The following CAMTA1 variants were observed in gnomAD, a reference collection of about 807,000 sequenced individuals.
CAMTA1 encodes the protein calmodulin-binding transcription activator 1.
CAMTA1 carries 27 observed loss-of-function variants against 170.9 expected under a neutral mutation model. The ratio of observed to expected loss-of-function variants is 0.16; its 90% CI spans 0.12 to 0.22. CAMTA1 has a LOEUF of 0.22. Ranked by LOEUF, CAMTA1 falls within the 10% of genes least tolerant of loss-of-function variation. CAMTA1 has a pLI of 1.00. For synonymous variants in CAMTA1, 833 were observed against 891.5 expected, an observed-to-expected ratio of 0.93 and a Z score of 1.17; for missense variants, 1,619 against 2,217.2, an observed-to-expected ratio of 0.73 and a Z score of 5.42.
In CAMTA1 at chr1:7,674,088, C is replaced by T. The variant is rs144784562; in HGVS notation, c.2779+3051C>T. On this transcript the variant is annotated intron_variant, in intron 10 of 22. Transcript: ENST00000303635. The surrounding 1 kb of genome is among the most constrained non-coding windows in gnomAD (Gnocchi z 4.1). The stretch of plus-strand genomic sequence containing the variant: ...AAACTGGCCTCACCAAAAAGAGAGG[C>T]TCAGAGGCTTATGAGCACAAGCCAG... 9.8e-5 allele frequency among the ~76,000 whole-genome samples: 15 copies of T among 152,310 alleles called. No homozygotes were observed. In the East Asian group the frequency reaches 2.3e-3, roughly 24 times the overall value.
At chr1:7,257,390 T>C (rs910591953) in intron 5 of CAMTA1, among the ~76,000 whole-genome samples, 2 of 152,238 alleles carry the variant, frequency 1.3e-5, no homozygotes, top group African/African-American at 4.8e-5. Flanking sequence ...CCAAACACAC[T>C]GCATAACTGG....
chr1:7,702,548 C>T (rs1200957925), intron 11 of CAMTA1, among the ~76,000 whole-genome samples: 3 of 152,132 alleles, frequency 2.0e-5, no homozygotes, highest in African/African-American at 7.2e-5. Context: ...CCATTCAGAG[C>T]AATTCAACAA....
intron 4 of CAMTA1, among the ~76,000 whole-genome samples, chr1:7,104,599 G>A (rs1643395709): frequency 6.6e-6 from 1 of 152,156 alleles, no homozygotes; most frequent in Admixed American, 6.5e-5. Flanking sequence ...GCTCAGATTT[G>A]GCTGATGTCA....
At position 7,577,137 on chromosome 1, in the gene CAMTA1, A is replaced by G. The variant is rs550412948; in HGVS notation, c.511-63263A>G. Among the ~76,000 whole-genome samples, 7 of 152,294 alleles carry G rather than the reference A, an allele frequency of 4.6e-5. No individual in the cohort carries two copies. The South Asian group carries it at 1.5e-3, about 32-fold the overall frequency. On this transcript the variant is annotated intron_variant, in intron 6 of 22. Coordinates refer to ENST00000303635, the MANE Select transcript of CAMTA1 (RefSeq NM_015215.4). Reference sequence around the variant, plus strand: ...TGGTGTGAGGGATCAACAAGCCAGCATCGTCCTCCCCCGGAGGCCCAGTGT... The same window carrying G: ...TGGTGTGAGGGATCAACAAGCCAGCGTCGTCCTCCCCCGGAGGCCCAGTGT...
chr1:7,610,836 G>A (rs1176173544), intron 6 of CAMTA1, among the ~76,000 whole-genome samples: 1 of 152,226 alleles, frequency 6.6e-6, no homozygotes, highest in Non-Finnish European at 1.5e-5. Flanking sequence ...GCACAGAGTG[G>A]AGGTCAAATA....
chr1:6,816,337 A>C (rs1645807751), intron 1 of CAMTA1, among the ~76,000 whole-genome samples: 1 of 152,160 alleles, frequency 6.6e-6, no homozygotes, highest in Admixed American at 6.5e-5. Context: ...CCCCCACTAG[A>C]ATGTATCTCC....
At chr1:7,257,082 C>CGGG (rs553425649) in intron 5 of CAMTA1, among the ~76,000 whole-genome samples, 2 of 137,388 alleles carry the variant, frequency 1.5e-5, no homozygotes, top group Non-Finnish European at 3.0e-5. Flanking sequence ...ATGGCGGGGG[C>CGGG]GGGGGTTGGT....
At chr1:6,853,521 A>G (rs2148827403) in intron 3 of CAMTA1, among the ~76,000 whole-genome samples, 1 of 152,320 alleles carries the variant, frequency 6.6e-6, no homozygotes, top group East Asian at 1.9e-4. Context: ...ACGACCAAAA[A>G]CAGAAACAGA....
At chr1:7,432,988 C>A (rs1007591080) in intron 5 of CAMTA1, among the ~76,000 whole-genome samples, 1 of 152,222 alleles carries the variant, frequency 6.6e-6, no homozygotes, top group Non-Finnish European at 1.5e-5. Flanking sequence ...ACCCGACAGA[C>A]CCCCAGCCTT....
intron 3 of CAMTA1, among the ~76,000 whole-genome samples, chr1:7,015,784 C>T (rs912808132): frequency 2.7e-5 from 4 of 150,642 alleles, no homozygotes; most frequent in African/African-American, 5.0e-5. Context: ...AACTTAGGAT[C>T]GTGGCGGAAG....
rs1419956282 is a variant in CAMTA1, at chr1:7,248,502, G to A, written c.303-989G>A. ...GTGCAGAGTGGTGCAGCACTGCGTG[G>A]GGTGCTGCTAGATTTTGGGGGAGTC... On this transcript the variant is annotated intron_variant, in intron 4 of 22. Transcript: ENST00000303635. The surrounding 1 kb of genome is among the most constrained non-coding windows in gnomAD (Gnocchi z 4.0). 6.6e-6 allele frequency among the ~76,000 whole-genome samples: 1 copy of A among 152,166 alleles called. No individual in the cohort carries two copies. The highest frequency in any genetic ancestry group is 1.5e-5 in the Non-Finnish European group (1 of 68,024).
In CAMTA1 at chr1:7,664,974, G is replaced by T; in HGVS notation, c.2427G>T (p.Gly809=). The T allele has an allele frequency of 6.2e-7, 1 of 1,611,382 alleles. No individual in the cohort carries two copies. Among genetic ancestry groups the T allele is most frequent in the South Asian group, 1.1e-5 (1 of 90,864 alleles). The change falls in exon 9 of 23, where the codon GGG becomes GGT. Residue 809 remains glycine (G), a synonymous_variant. Transcript: ENST00000303635. ...DSTALSQSED[G]ARAPFTQAEM... is the part of the protein sequence containing the mutation. ...CGGCGCTCTCACAGTCAGAGGACGG[G>T]GCGCGGGCCCCCTTCACCCAGGCAG... is the stretch of plus-strand genomic sequence containing the variant.
intron 5 of CAMTA1, among the ~76,000 whole-genome samples, chr1:7,268,334 A>G (rs1229242148): frequency 2.0e-5 from 3 of 152,194 alleles, no homozygotes; most frequent in Non-Finnish European, 4.4e-5. Flanking sequence ...TTGGCTAAAT[A>G]CTAAGCTGTG....
In CAMTA1 at chr1:7,635,605, T is replaced by G. The variant is rs770641896; in HGVS notation, c.511-4795T>G. Among the ~76,000 whole-genome samples, 1 of 124,966 alleles carries G rather than the reference T, an allele frequency of 8.0e-6. No individual in the cohort carries two copies. Among genetic ancestry groups the G allele is most frequent in the Admixed American group, 7.6e-5 (1 of 13,124 alleles). 82.0% of individuals were successfully genotyped at this position (124,966 alleles called of 152,430 possible). On this transcript the variant is annotated intron_variant, in intron 6 of 22. Coordinates refer to ENST00000303635, the MANE Select transcript of CAMTA1 (RefSeq NM_015215.4). The surrounding 1 kb of genome is among the most constrained non-coding windows in gnomAD (Gnocchi z 4.4). Reference sequence around the variant, plus strand: ...GCCTGGGGGACAGAGCAAGACTCCGTCTCAAAAAAAAAAAAAAAAAAATAC... The same window carrying G: ...GCCTGGGGGACAGAGCAAGACTCCGGCTCAAAAAAAAAAAAAAAAAAATAC...
intron 6 of CAMTA1, among the ~76,000 whole-genome samples, chr1:7,490,218 C>T (rs1006299571): frequency 3.9e-5 from 6 of 152,234 alleles, no homozygotes; most frequent in African/African-American, 9.6e-5. Context: ...TATGCCTCCT[C>T]GCATGGGATT....
chr1:7,451,482 C>T (rs145871758), intron 5 of CAMTA1, among the ~76,000 whole-genome samples: 567 of 152,242 alleles, frequency 3.7e-3, no homozygotes, highest in African/African-American at 0.013. Flanking sequence ...CCCTGCTCTC[C>T]GAAGCCCCAG....
chr1:7,674,603 AC>A lies in CAMTA1; in HGVS notation c.2780-2992del, dbSNP rs2096094941. ...AGACCAGCCTGACCGACATGGTGAA[AC>A]CCCGTCTCTACTAAAAATACAAAAA... is the stretch of plus-strand genomic sequence containing the variant. On this transcript the variant is annotated intron_variant, in intron 10 of 22. Coordinates refer to ENST00000303635, the MANE Select transcript of CAMTA1 (RefSeq NM_015215.4). This position sits in a 1 kb window ranked among gnomAD's most constrained non-coding sequence, Gnocchi z 4.1. 6.6e-6 allele frequency among the ~76,000 whole-genome samples: 1 copy of A among 152,066 alleles called. No individual in the cohort carries two copies. The highest frequency in any genetic ancestry group is 2.4e-5 in the African/African-American group (1 of 41,396).
chr1:7,357,166 A>G lies in CAMTA1; in HGVS notation c.438+107540A>G, dbSNP rs545621237. ...ATGAAACCAAGGGCCCTGCGATGTC[A>G]TCCAGTCTCCTGGAGCATCCTACAG... On this transcript the variant is annotated intron_variant, in intron 5 of 22. Transcript: ENST00000303635. Among the ~76,000 whole-genome samples, 3 of 152,314 alleles carry G rather than the reference A, an allele frequency of 2.0e-5. No individual in the cohort carries two copies. The East Asian group carries it at 5.8e-4, about 29-fold the overall frequency.
At chr1:7,365,269 C>T (rs915282159) in intron 5 of CAMTA1, among the ~76,000 whole-genome samples, 1 of 152,232 alleles carries the variant, frequency 6.6e-6, no homozygotes, top group African/African-American at 2.4e-5. Flanking sequence ...CCATAACACC[C>T]ATTCAGGCAT....
Sources: gnomAD v4.1 joint callset for allele counts (sites outside exome capture counted in the v4.1 genomes callset) on GRCh38, gnomAD v4.1.1 for gene constraint, Gnocchi (gnomAD v3.1) non-coding constraint, MANE v1.5 for transcripts, NCBI Gene and HGNC (gene_info 2026-07-23, HGNC 2026-07-21) for gene names.